ELMO1: variants seen among roughly 807,000 people sequenced by gnomAD.
The protein encoded by ELMO1 is engulfment and cell motility protein 1.
Under a neutral mutation model 98.9 loss-of-function variants are expected in ELMO1, and 26 were observed. The ratio of observed to expected loss-of-function variants is 0.26; its 90% confidence interval spans 0.19 to 0.36. ELMO1 has a LOEUF of 0.36. ELMO1 is among the 10% of genes least tolerant of loss of function. ELMO1 has a pLI of 1.00. For synonymous variants in ELMO1, 346 were observed against 346.0 expected (o/e 1.00, Z 0.00); for missense variants, 627 against 935.2 (o/e 0.67, Z 4.30).
At chr7:36,963,793 G>A (rs765052042) in intron 16 of ELMO1, among the ~76,000 whole-genome samples, 2 of 152,110 alleles carry the variant, frequency 1.3e-5, no homozygotes, top group Non-Finnish European at 2.9e-5. Context: ...AACTTTGAAG[G>A]ACATCTTAAA....
intron 1 of ELMO1, among the ~76,000 whole-genome samples, chr7:37,431,293 T>C (rs931849219): frequency 2.0e-5 from 3 of 152,082 alleles, no homozygotes; most frequent in African/African-American, 7.2e-5. Flanking sequence ...GTTATGACTA[T>C]GCCACTGTAC....
chr7:37,203,532 G>C (rs1318175745), intron 13 of ELMO1, among the ~76,000 whole-genome samples: 1 of 152,160 alleles, frequency 6.6e-6, no homozygotes, highest in Non-Finnish European at 1.5e-5. Flanking sequence ...ATGGGGCTTT[G>C]GGCAAAAATT....
At chr7:37,031,948 T>C (rs950162594) in intron 15 of ELMO1, among the ~76,000 whole-genome samples, 1 of 152,176 alleles carries the variant, frequency 6.6e-6, no homozygotes, top group African/African-American at 2.4e-5. Flanking sequence ...TGCCCACACA[T>C]TTCAGTGCCT....
At chr7:36,987,381 G>A (rs1207557059) in intron 16 of ELMO1, among the ~76,000 whole-genome samples, 1 of 152,148 alleles carries the variant, frequency 6.6e-6, no homozygotes. Context: ...TCTCACTCAG[G>A]GGTCTGCGGA....
At chr7:37,031,562 C>T (rs543293895) in intron 15 of ELMO1, among the ~76,000 whole-genome samples, 45 of 152,126 alleles carry the variant, frequency 3.0e-4, no homozygotes, top group Non-Finnish European at 5.6e-4. Context: ...GATTCTTTTA[C>T]GCCCATTCTC....
intron 1 of ELMO1, among the ~76,000 whole-genome samples, chr7:37,417,861 G>A (rs973547145): frequency 6.6e-6 from 1 of 152,068 alleles, no homozygotes; most frequent in Non-Finnish European, 1.5e-5. Flanking sequence ...AGAGGAAAAC[G>A]TCATGCAAAA....
chr7:36,996,218 T>G (rs965397182), intron 16 of ELMO1, among the ~76,000 whole-genome samples: 1 of 152,178 alleles, frequency 6.6e-6, no homozygotes, highest in Non-Finnish European at 1.5e-5. Context: ...GAATCACTCT[T>G]TTTCCTGTCA....
intron 1 of ELMO1, among the ~76,000 whole-genome samples, chr7:37,419,010 G>A (rs1804354053): frequency 6.6e-6 from 1 of 152,052 alleles, no homozygotes. Context: ...CAGGGTCCTA[G>A]AGACTCCCCC....
chr7:37,034,754 G>T (rs1795084606), intron 15 of ELMO1, among the ~76,000 whole-genome samples: 1 of 152,150 alleles, frequency 6.6e-6, no homozygotes, highest in East Asian at 1.9e-4. Context: ...AACTTATGGG[G>T]TTCTGGGTGG....
intron 1 of ELMO1, among the ~76,000 whole-genome samples, chr7:37,393,653 T>C (rs2131429235): frequency 6.6e-6 from 1 of 152,362 alleles, no homozygotes; most frequent in Middle Eastern, 3.4e-3. Context: ...ATTCAGGTTA[T>C]GCATTTTTGG....
At chr7:37,325,799 T>C (rs960850228) in intron 2 of ELMO1, among the ~76,000 whole-genome samples, 7 of 152,178 alleles carry the variant, frequency 4.6e-5, no homozygotes, top group African/African-American at 7.2e-5. Context: ...AGCTTTCAAA[T>C]GTCAGGACAC....
At chr7:36,874,171 A>G (rs533588212) in intron 19 of ELMO1, among the ~76,000 whole-genome samples, 1 of 152,344 alleles carries the variant, frequency 6.6e-6, no homozygotes, top group South Asian at 2.1e-4. Context: ...CCTTGTCTGC[A>G]ATTTGTAACT....
intron 5 of ELMO1, among the ~76,000 whole-genome samples, chr7:37,260,544 C>T (rs1795926967): frequency 6.6e-6 from 1 of 152,178 alleles, no homozygotes. Flanking sequence ...AGCAGGTCCA[C>T]AGCCACAGAG....
intron 1 of ELMO1, among the ~76,000 whole-genome samples, chr7:37,374,612 G>T (rs1276760444): frequency 6.6e-6 from 1 of 152,074 alleles, no homozygotes; most frequent in Non-Finnish European, 1.5e-5. Flanking sequence ...TTAGCCAGGT[G>T]TGGTGGCACG....
At chr7:37,122,861 C>T (rs141095618) in intron 14 of ELMO1, among the ~76,000 whole-genome samples, 4,530 of 152,216 alleles carry the variant, frequency 0.03, 235 homozygotes, top group African/African-American at 0.1. Flanking sequence ...CACACCTAGT[C>T]CAAAATTGAC....
intron 13 of ELMO1, among the ~76,000 whole-genome samples, chr7:37,165,146 T>C (rs1228922685): frequency 3.9e-5 from 6 of 152,226 alleles, no homozygotes; most frequent in Admixed American, 6.5e-5. Flanking sequence ...TCGTCTGTTA[T>C]TGGTATACAA....
rs1329613866 is a variant in ELMO1 at position 36,870,658 on chromosome 7, A to G, written c.1823-183T>C. Among the ~76,000 whole-genome samples, 1 of 152,182 alleles carries G rather than the reference A, an allele frequency of 6.6e-6. No individual in the cohort carries two copies. The highest frequency in any genetic ancestry group is 1.5e-5 in the Non-Finnish European group (1 of 68,022). ...GTGTCCCAGGATTAGAAACTAAAAT[A>G]TATCTTATATTCTGGGAAAAAGCAT... On this transcript the variant is annotated intron_variant, in intron 19 of 21. Transcript: ENST00000310758. The surrounding 1 kb of genome is among the most constrained non-coding windows in gnomAD (Gnocchi z 4.4).
chr7:37,292,905 C>T (rs1359779834), intron 4 of ELMO1, among the ~76,000 whole-genome samples: 3 of 72,356 alleles, frequency 4.1e-5, no homozygotes, highest in African/African-American at 8.8e-5. Flanking sequence ...CCGCCCCGTC[C>T]GGGAGGGAGG....
intron 16 of ELMO1, among the ~76,000 whole-genome samples, chr7:37,001,205 C>G (rs1471202719): frequency 6.6e-6 from 1 of 152,080 alleles, no homozygotes; most frequent in African/African-American, 2.4e-5. Flanking sequence ...CTCAATAAGG[C>G]CTGTTGGCAT....
Sources: allele counts gnomAD v4.1 joint callset (sites outside exome capture counted in the v4.1 genomes callset), GRCh38; gene constraint gnomAD v4.1.1; non-coding constraint Gnocchi (gnomAD v3.1); transcripts MANE v1.5; gene names NCBI Gene and HGNC (gene_info 2026-07-23, HGNC 2026-07-21).